The following MYSM1 variants were observed in gnomAD, a reference collection of about 807,000 sequenced individuals.
MYSM1 encodes the protein deubiquitinase MYSM1.
MYSM1 carries 51 observed loss-of-function variants against 116.0 expected under a neutral mutation model. That is an observed-to-expected ratio of 0.44 (90% CI 0.35 to 0.56). The LOEUF (loss-of-function observed/expected upper bound fraction) is 0.56, where lower values mean the gene tolerates loss of function less well. Ranked by LOEUF, MYSM1 falls within the 20% of genes least tolerant of loss-of-function variation. MYSM1 has a pLI of 0.00. For missense variants in MYSM1, 900 were observed against 974.9 expected, an observed-to-expected ratio of 0.92 and a Z score of 1.02; for synonymous variants, 313 against 315.2, an observed-to-expected ratio of 0.99 and a Z score of 0.07.
chr1:58,694,895 C>T (rs1644951938), intron 2 of MYSM1, among the ~76,000 whole-genome samples: 1 of 152,052 alleles, frequency 6.6e-6, no homozygotes, highest in South Asian at 2.1e-4. Context: ...AGAGCAAAGA[C>T]CTGTACCTAA....
At chr1:58,682,685 C>T (rs1451704472) in intron 7 of MYSM1, 140 bp from the exon 8 acceptor site, 2 of 332,408 alleles carry the variant, frequency 6.0e-6, no homozygotes, top group South Asian at 1.8e-4. Context: ...ATGCGCTTTT[C>T]TTTTTTTTCT....
rs568462448 is a variant in MYSM1 at position 58,674,558 on chromosome 1, T to C, written c.1495-908A>G. Among the ~76,000 whole-genome samples the C allele has an allele frequency of 2.6e-5, 4 of 152,326 alleles. No individual in the cohort carries two copies. The South Asian group carries it at 8.3e-4, about 32-fold the overall frequency. The stretch of plus-strand genomic sequence containing the variant: ...CTATTTTAGCACCTATACTTTCTTT[T>C]TCATATCTTATTTATTACTAATTTA... On this transcript the variant is annotated intron_variant, in intron 10 of 19. Transcript: ENST00000472487.
intron 16 of MYSM1, 55 bp downstream of exon 16, chr1:58,666,982 AG>A: frequency 1.1e-6 from 1 of 910,794 alleles, no homozygotes; most frequent in East Asian, 2.7e-5. Flanking sequence ...TCTATTTAAA[AG>A]GGAGCATTGA....
At chr1:58,699,872 A>G in intron 1 of MYSM1, 113 bp downstream of exon 1, 2 of 1,518,644 alleles carry the variant, frequency 1.3e-6, no homozygotes, top group Non-Finnish European at 1.8e-6. Flanking sequence ...ACCCTGGCCC[A>G]GGGGACAGTC....
At chr1:58,678,389 T>C (rs1187428246) in intron 8 of MYSM1, among the ~76,000 whole-genome samples, 1 of 152,138 alleles carries the variant, frequency 6.6e-6, no homozygotes, top group African/African-American at 2.4e-5. Context: ...CTGAGCTAAC[T>C]GAAGACTACT....
chr1:58,698,413 T>G (rs1250062682), intron 1 of MYSM1, among the ~76,000 whole-genome samples: 1 of 151,896 alleles, frequency 6.6e-6, no homozygotes, highest in African/African-American at 2.4e-5. Flanking sequence ...AATATAATAT[T>G]AATGATACTC....
chr1:58,683,338 T>C lies in MYSM1; in HGVS notation c.499-793A>G, dbSNP rs184645363. Among the ~76,000 whole-genome samples the C allele has an allele frequency of 3.5e-3, 530 of 152,344 alleles. 4 individuals carry two copies. Among genetic ancestry groups the C allele is most frequent in the African/African-American group, 0.012 (498 of 41,586 alleles). On this transcript the variant is annotated intron_variant, in intron 7 of 19. Coordinates refer to ENST00000472487, the MANE Select transcript of MYSM1 (RefSeq NM_001085487.3). ...ATTTCTTATAATGCTAAAATAATCC[T>C]TAATCTATCTGACATCTTCACTGAG...
At position 58,656,093 on chromosome 1, in the gene MYSM1, C is replaced by A. The variant is rs187744805; in HGVS notation, c.*3904G>T. 1.3e-5 allele frequency: 2 copies of A among 152,292 alleles called. No homozygotes were observed. Among genetic ancestry groups the A allele is most frequent in the East Asian group, 3.9e-4 (2 of 5,166 alleles). The allele number at this position is 152,292 out of a possible 1,614,324, so 9.4% of individuals were successfully genotyped here. On this transcript the variant is annotated 3_prime_UTR_variant, in exon 20 of 20. Coordinates refer to ENST00000472487, the MANE Select transcript of MYSM1 (RefSeq NM_001085487.3). ...TCCTCCAGCTCACCTCATCAGGACC[C>A]AGGAAGAGAAATGGGAGGAAGGTAA...
At chr1:58,694,521 T>G (rs1004779432) in intron 2 of MYSM1, among the ~76,000 whole-genome samples, 33 of 151,608 alleles carry the variant, frequency 2.2e-4, no homozygotes, top group Admixed American at 2.2e-3. Context: ...CTCGGGAGAC[T>G]GAGGCAGGAG....
In MYSM1 at chr1:58,655,676, T is replaced by G. The variant is rs959633293; in HGVS notation, c.*4321A>C. ...TCAGGAAATATATCCTAAAGTATAT[T>G]ACATTATTCTCCCACAGTGATTTTC... On this transcript the variant is annotated 3_prime_UTR_variant, in exon 20 of 20. Transcript: ENST00000472487. 7 of 152,154 alleles carry G rather than the reference T, an allele frequency of 4.6e-5. No homozygotes were observed. The highest frequency in any genetic ancestry group is 5.9e-5 in the Non-Finnish European group (4 of 68,022). 9.4% of individuals were successfully genotyped at this position (152,154 alleles called of 1,614,324 possible).
chr1:58,681,894 TTCTA>T lies in MYSM1; in HGVS notation c.1146_1149del (p.Asp382GlufsTer28). On this transcript the variant is annotated frameshift_variant, in exon 8 of 20. Transcript: ENST00000472487. LOFTEE classifies it high-confidence loss of function. Reference sequence around the variant, plus strand: ...TGTTTTTCTTCTTCTTGAATGATATTTCTATCTATTTCTATTTCCTGTTCTGGTG... The same window carrying T: ...TGTTTTTCTTCTTCTTGAATGATATTTCTATTTCTATTTCCTGTTCTGGTG... 1.9e-6 allele frequency: 3 copies of T among 1,613,972 alleles called. No homozygotes were observed. The highest frequency in any genetic ancestry group is 2.5e-6 in the Non-Finnish European group (3 of 1,179,982).
At chr1:58,683,082 C>T (rs1479109453) in intron 7 of MYSM1, among the ~76,000 whole-genome samples, 2 of 152,180 alleles carry the variant, frequency 1.3e-5, no homozygotes, top group Admixed American at 1.3e-4. Flanking sequence ...TGTAAAGGAT[C>T]ACCATTTAAA....
intron 19 of MYSM1, 59 bp from the exon 20 acceptor site, chr1:58,660,214 C>A: frequency 8.7e-7 from 1 of 1,146,258 alleles, no homozygotes. Context: ...GTTTGCATTA[C>A]TATCACTATT....
chr1:58,679,147 CTTT>C (rs913558869), intron 8 of MYSM1, among the ~76,000 whole-genome samples: 5 of 152,232 alleles, frequency 3.3e-5, no homozygotes, highest in East Asian at 3.9e-4. Flanking sequence ...TGGCAGGCTT[CTTT>C]TTATTTCAAA....
At chr1:58,691,351 T>C (rs1410958459) in intron 3 of MYSM1, among the ~76,000 whole-genome samples, 1 of 152,166 alleles carries the variant, frequency 6.6e-6, no homozygotes, top group Non-Finnish European at 1.5e-5. Context: ...ATTCTTCACT[T>C]AACAAGTATT....
intron 8 of MYSM1, among the ~76,000 whole-genome samples, chr1:58,680,752 T>C (rs552693124): frequency 6.6e-6 from 1 of 152,142 alleles, no homozygotes; most frequent in African/African-American, 2.4e-5. Flanking sequence ...ACTAGGAAGC[T>C]CTCTGTAAAG....
chr1:58,659,707 C>T lies in MYSM1; in HGVS notation c.*290G>A, dbSNP rs143001357. 2.6e-4 allele frequency: 54 copies of T among 208,462 alleles called. 2 individuals carry two copies. The East Asian group carries it at 4.0e-3, about 16-fold the overall frequency. 12.9% of individuals were successfully genotyped at this position (208,462 alleles called of 1,614,324 possible). A position where few individuals can be genotyped will look rare whatever the true frequency, so the allele number is the denominator to read the frequency against. ...GACATAGTCCAAATCCCAAGCTGAA[C>T]ACAACAGTAAAGCCGACCAGGTTGC... On this transcript the variant is annotated 3_prime_UTR_variant, in exon 20 of 20. Coordinates refer to ENST00000472487, the MANE Select transcript of MYSM1 (RefSeq NM_001085487.3).
rs776716276 is a variant in MYSM1 at position 58,675,584 on chromosome 1, T to C, written c.1391-4A>G. 1.6e-5 allele frequency: 26 copies of C among 1,609,590 alleles called. No homozygotes were observed. Among genetic ancestry groups the C allele is most frequent in the East Asian group, 6.7e-5 (3 of 44,848 alleles). ...GGCCTATTATACACAGCCTGTTCTA[T>C]TGGAATTCAGGAAAGATAAAACCAT... On this transcript the variant is annotated splice_polypyrimidine_tract_variant and splice_region_variant and intron_variant, in intron 9 of 19. Transcript: ENST00000472487.
At chr1:58,684,138 G>A (rs1469187743) in intron 7 of MYSM1, among the ~76,000 whole-genome samples, 4 of 152,108 alleles carry the variant, frequency 2.6e-5, no homozygotes, top group African/African-American at 7.2e-5. Context: ...TACCACCTAT[G>A]TCTAGACAAC....
Sources: gnomAD v4.1 joint callset for allele counts (sites outside exome capture counted in the v4.1 genomes callset) on GRCh38, gnomAD v4.1.1 for gene constraint, MANE v1.5 for transcripts, NCBI Gene and HGNC (gene_info 2026-07-23, HGNC 2026-07-21) for gene names.